The following STK32C variants were observed in gnomAD, a reference collection of about 807,000 sequenced individuals.
The protein encoded by STK32C is serine/threonine-protein kinase 32C.
In STK32C, 31 loss-of-function variants were observed where a neutral mutation model predicts 56.5. The ratio of observed to expected loss-of-function variants is 0.55; its 90% CI spans 0.41 to 0.74. STK32C has a LOEUF of 0.74. STK32C is among the 30% of genes least tolerant of loss of function. The probability of loss-of-function intolerance (pLI) is 0.00; values close to 1 mark genes in which losing one functional copy is unlikely to be tolerated. For synonymous variants in STK32C, 309 were observed against 289.4 expected (o/e 1.07, Z -0.69); for missense variants, 544 against 676.9 (o/e 0.80, Z 2.18).
At chr10:132,258,827 G>GGAGGGGCTGC (rs2064211333) in intron 1 of STK32C, among the ~76,000 whole-genome samples, 1 of 152,242 alleles carries the variant, frequency 6.6e-6, no homozygotes, top group Non-Finnish European at 1.5e-5. Context: ...ACAGTGCCGA[G>GGAGGGGCTGC]GAGGGGCTGC....
chr10:132,253,505 G>GC (rs1390343313), intron 1 of STK32C, among the ~76,000 whole-genome samples: 5 of 92,184 alleles, frequency 5.4e-5, no homozygotes, highest in Non-Finnish European at 6.4e-5. Flanking sequence ...AGTCGAGGGA[G>GC]CTGAGGGAGC....
chr10:132,283,476 T>C (rs1367379262), intron 1 of STK32C, among the ~76,000 whole-genome samples: 1 of 152,144 alleles, frequency 6.6e-6, no homozygotes, highest in African/African-American at 2.4e-5. Flanking sequence ...GAGGGTGTCA[T>C]GGGGACCAGG....
chr10:132,324,619 A>G (rs2066463054), intron 1 of STK32C, among the ~76,000 whole-genome samples: 1 of 152,222 alleles, frequency 6.6e-6, no homozygotes, highest in Non-Finnish European at 1.5e-5. Context: ...AGTATATTTT[A>G]CATTTTAAAA....
intron 10 of STK32C, among the ~76,000 whole-genome samples, chr10:132,211,504 C>A (rs1301823834): frequency 2.6e-5 from 4 of 152,222 alleles, no homozygotes; most frequent in Non-Finnish European, 4.4e-5. Flanking sequence ...TGGCTCTGAG[C>A]AGCGCCCAAG....
At chr10:132,295,970 A>G (rs2065733461) in intron 1 of STK32C, among the ~76,000 whole-genome samples, 1 of 151,564 alleles carries the variant, frequency 6.6e-6, no homozygotes, top group South Asian at 2.1e-4. Context: ...TGTGGGCTGC[A>G]TATGGTGCCA....
chr10:132,265,968 GCCACCCGGCAATT>G (rs1247522682), intron 1 of STK32C, among the ~76,000 whole-genome samples: 1 of 152,170 alleles, frequency 6.6e-6, no homozygotes, highest in African/African-American at 2.4e-5. Flanking sequence ...CACTTGCTGT[GCCACCCGGCAATT>G]CCATTCCTAG....
intron 1 of STK32C, among the ~76,000 whole-genome samples, chr10:132,315,668 T>TA (rs780039859): frequency 5.3e-5 from 8 of 152,198 alleles, no homozygotes; most frequent in Non-Finnish European, 8.8e-5. Flanking sequence ...GGTACACACA[T>TA]ACGCAATTAC....
intron 2 of STK32C, among the ~76,000 whole-genome samples, chr10:132,244,781 A>C (rs1435322904): frequency 6.6e-6 from 1 of 152,180 alleles, no homozygotes; most frequent in African/African-American, 2.4e-5. Context: ...TGGGCCTGGG[A>C]AACAGAACTT....
intron 1 of STK32C, among the ~76,000 whole-genome samples, chr10:132,317,029 A>T (rs1396262561): frequency 6.6e-6 from 1 of 152,076 alleles, no homozygotes; most frequent in Non-Finnish European, 1.5e-5. Context: ...GATACTTAAA[A>T]GATGAAGAAA....
intron 1 of STK32C, among the ~76,000 whole-genome samples, chr10:132,257,527 CG>C (rs2064164779): frequency 6.6e-6 from 1 of 151,974 alleles, no homozygotes; most frequent in Non-Finnish European, 1.5e-5. Flanking sequence ...AAGAGATGGG[CG>C]GGGCGGAGCT....
intron 1 of STK32C, among the ~76,000 whole-genome samples, chr10:132,305,021 C>CA (rs538352365): frequency 2.2e-3 from 340 of 152,352 alleles, no homozygotes; most frequent in Non-Finnish European, 3.7e-3. Flanking sequence ...CACTTGGTAT[C>CA]ACCAGGACAC....
intron 1 of STK32C, among the ~76,000 whole-genome samples, chr10:132,266,937 C>CGAGG (rs2064555920): frequency 6.6e-6 from 1 of 152,046 alleles, no homozygotes; most frequent in African/African-American, 2.4e-5. Context: ...GGGAGGGCTG[C>CGAGG]GCGGACGAGG....
At chr10:132,324,877 A>T (rs191629765) in intron 1 of STK32C, among the ~76,000 whole-genome samples, 1 of 152,222 alleles carries the variant, frequency 6.6e-6, no homozygotes, top group African/African-American at 2.4e-5. Flanking sequence ...TGAAAGTGGG[A>T]TGGGGAGAGA....
rs940678053 is a variant in STK32C at position 132,255,391 on chromosome 10, A to G, written c.263-9436T>C. On this transcript the variant is annotated intron_variant, in intron 1 of 11. Coordinates refer to ENST00000298630, the MANE Select transcript of STK32C (RefSeq NM_173575.4). This position sits in a 1 kb window ranked among gnomAD's most constrained non-coding sequence, Gnocchi z 4.6. Reference sequence around the variant, plus strand: ...GGCCCGCTAGGTCAACAGGAACCACAGGAGTCACCAGACATCACCTCACAG... The same window carrying G: ...GGCCCGCTAGGTCAACAGGAACCACGGGAGTCACCAGACATCACCTCACAG... Among the ~76,000 whole-genome samples the G allele has an allele frequency of 2.6e-5, 4 of 152,164 alleles. No homozygotes were observed. The highest frequency in any genetic ancestry group is 5.9e-5 in the Non-Finnish European group (4 of 68,006).
chr10:132,331,383 G>A, intron 1 of STK32C: 1 of 1,542,464 alleles, frequency 6.5e-7, no homozygotes, highest in South Asian at 1.2e-5. Flanking sequence ...CCTCCCGCCC[G>A]GTGTCATTTC....
At chr10:132,208,288 G>C in intron 11 of STK32C, 137 bp from the exon 12 acceptor site, 2 of 1,078,520 alleles carry the variant, frequency 1.9e-6, no homozygotes, top group South Asian at 9.8e-5. Context: ...GTGTCTGCTG[G>C]AGAGGCCATG....
chr10:132,209,126 G>C, intron 10 of STK32C, 25 bp from the exon 11 acceptor site: 1 of 1,608,378 alleles, frequency 6.2e-7, no homozygotes, highest in Non-Finnish European at 8.5e-7. Flanking sequence ...GCACACGTGA[G>C]CGTGGGGGAC....
At chr10:132,245,534 G>C (rs934577537) in intron 2 of STK32C, among the ~76,000 whole-genome samples, 7 of 152,366 alleles carry the variant, frequency 4.6e-5, no homozygotes, top group Admixed American at 1.3e-4. Flanking sequence ...TGAGGACAAG[G>C]ACCAGCTGAG....
At chr10:132,253,872 G>A (rs1433504450) in intron 1 of STK32C, among the ~76,000 whole-genome samples, 1 of 152,264 alleles carries the variant, frequency 6.6e-6, no homozygotes, top group Non-Finnish European at 1.5e-5. Context: ...TGCCTGGCTA[G>A]AACCTTCCTC....
Sources: gnomAD v4.1 joint callset for allele counts (sites outside exome capture counted in the v4.1 genomes callset) on GRCh38, gnomAD v4.1.1 for gene constraint, Gnocchi (gnomAD v3.1) non-coding constraint, MANE v1.5 for transcripts, NCBI Gene and HGNC (gene_info 2026-07-23, HGNC 2026-07-21) for gene names.